Variants in PRKCQ observed in about 807,000 individuals in gnomAD.
PRKCQ encodes protein kinase C theta.
In PRKCQ, 41 loss-of-function variants were observed where a neutral mutation model predicts 91.2. The observed-to-expected ratio is 0.45, with a 90% CI of 0.35 to 0.58. The LOEUF (loss-of-function observed/expected upper bound fraction) is 0.58, where lower values mean the gene tolerates loss of function less well. Among genes scored for constraint, PRKCQ ranks in the 20% least tolerant of loss-of-function variants. The pLI is 0.00. For missense variants in PRKCQ, 673 were observed against 896.5 expected, an observed-to-expected ratio of 0.75 and a Z score of 3.18; for synonymous variants, 307 against 316.9, an observed-to-expected ratio of 0.97 and a Z score of 0.33.
At chr10:6,404,816 ATTCTTTCTT>A in the PRKCQ span, among the ~76,000 whole-genome samples, 2 of 64,150 alleles carry the variant, frequency 3.1e-5, no homozygotes, top group African/African-American at 1.3e-4. Context: ...TCTCTCTTTC[ATTCTTTCTT>A]TCCTTCTTTC....
intron 1 of PRKCQ, among the ~76,000 whole-genome samples, chr10:6,553,983 A>AAC (rs1554782621): frequency 6.6e-6 from 1 of 151,526 alleles, no homozygotes; most frequent in Non-Finnish European, 1.5e-5. Flanking sequence ...GTAAAAAAAA[A>AAC]CAGAGTGTCG....
intron 1 of PRKCQ, among the ~76,000 whole-genome samples, chr10:6,571,317 G>A (rs958104443): frequency 6.6e-6 from 1 of 152,174 alleles, no homozygotes; most frequent in African/African-American, 2.4e-5. Flanking sequence ...AGCAGCAAGG[G>A]AAACGCTTTA....
At chr10:6,442,318 CT>C (rs1427800746) in intron 15 of PRKCQ, among the ~76,000 whole-genome samples, 5 of 152,192 alleles carry the variant, frequency 3.3e-5, no homozygotes, top group African/African-American at 4.8e-5. Flanking sequence ...TACTTTTCCT[CT>C]GCTTATAAAG....
intron 15 of PRKCQ, among the ~76,000 whole-genome samples, chr10:6,447,550 C>G (rs931329632): frequency 6.6e-6 from 1 of 152,136 alleles, no homozygotes; most frequent in East Asian, 1.9e-4. Flanking sequence ...GCTTTTGAGA[C>G]GCACTTTAGC....
At chr10:6,475,342 G>A (rs1481938681) in intron 12 of PRKCQ, among the ~76,000 whole-genome samples, 1 of 152,206 alleles carries the variant, frequency 6.6e-6, no homozygotes, top group Non-Finnish European at 1.5e-5. Flanking sequence ...ATAAACGGCA[G>A]AGCTGGGCTT....
rs1833389627 is a variant in PRKCQ at position 6,430,979 on chromosome 10, T to C, written c.1837-41A>G. The C allele has an allele frequency of 6.3e-7, 1 of 1,597,760 alleles. No homozygotes were observed. The highest frequency in any genetic ancestry group is 1.3e-5 in the African/African-American group (1 of 74,330). ...GCAGGAGCCCTGAGGTCTCCAGGGA[T>C]GACCCTTTTGCATCAGGAGGTCGTG... On this transcript the variant is annotated intron_variant, in intron 16 of 17. Transcript: ENST00000263125. The surrounding 1 kb of genome is among the most constrained non-coding windows in gnomAD (Gnocchi z 4.7).
At chr10:6,471,071 C>T (rs1835934613) in intron 12 of PRKCQ, among the ~76,000 whole-genome samples, 1 of 152,098 alleles carries the variant, frequency 6.6e-6, no homozygotes, top group African/African-American at 2.4e-5. Context: ...TTCTCCTCTG[C>T]AGTTCTATTC....
intron 12 of PRKCQ, among the ~76,000 whole-genome samples, chr10:6,473,136 T>C (rs149372531): frequency 6.6e-6 from 1 of 152,352 alleles, no homozygotes; most frequent in East Asian, 1.9e-4. Context: ...AGATGTTAAA[T>C]GTCCCTTTCC....
chr10:6,572,167 T>G (rs1841070423), intron 1 of PRKCQ, among the ~76,000 whole-genome samples: 1 of 152,212 alleles, frequency 6.6e-6, no homozygotes, highest in Non-Finnish European at 1.5e-5. Flanking sequence ...CTCATCTGAT[T>G]CTATGACTTA....
At chr10:6,517,586 ATCTTTTTTTTTTTTTTTTTTT>A in intron 1 of PRKCQ, among the ~76,000 whole-genome samples, 1 of 84,160 alleles carries the variant, frequency 1.2e-5, no homozygotes, top group South Asian at 4.0e-4. Flanking sequence ...TTAAGATAGC[ATCTTTTTTTTTTTTTTTTTTT>A]TTTTTTTTTT....
chr10:6,421,669 A>G, the PRKCQ span, among the ~76,000 whole-genome samples: 1 of 152,328 alleles, frequency 6.6e-6, no homozygotes, highest in Non-Finnish European at 1.5e-5. The surrounding 1 kb of genome is among the most constrained non-coding windows in gnomAD (Gnocchi z 4.1). Flanking sequence ...CATTTCCACC[A>G]ATGGTATTAA....
At chr10:6,440,387 C>G (rs1452436820) in intron 16 of PRKCQ, among the ~76,000 whole-genome samples, 1 of 152,220 alleles carries the variant, frequency 6.6e-6, no homozygotes, top group Non-Finnish European at 1.5e-5. Context: ...CCAAACACAT[C>G]TGCAAGGATA....
intron 14 of PRKCQ, among the ~76,000 whole-genome samples, 154 bp downstream of exon 14, chr10:6,462,149 T>A (rs1835380586): frequency 6.6e-6 from 1 of 152,208 alleles, no homozygotes; most frequent in South Asian, 2.1e-4. Context: ...TTGTAAGTCA[T>A]CATCCATGTA....
At chr10:6,516,533 GGA>G in intron 1 of PRKCQ, among the ~76,000 whole-genome samples, 1 of 152,278 alleles carries the variant, frequency 6.6e-6, no homozygotes, top group Middle Eastern at 3.4e-3. Flanking sequence ...TGAGTTCTCT[GGA>G]GAGAGTTTCT....
At chr10:6,470,151 GT>G (rs976677673) in intron 12 of PRKCQ, among the ~76,000 whole-genome samples, 2 of 152,144 alleles carry the variant, frequency 1.3e-5, no homozygotes, top group Non-Finnish European at 2.9e-5. Context: ...TCCACACTCA[GT>G]TTTTGATTGT....
rs964768170 is a variant in PRKCQ, at chr10:6,568,314, ATCTTT to A, written c.-10+11892_-10+11896del. ...TTTTGTTTTGAAGAAGACTTAAAAT[ATCTTT>A]TCATTTAATTTAAACAAAATTTTAT... On this transcript the variant is annotated intron_variant, in intron 1 of 17. Transcript: ENST00000263125. Among the ~76,000 whole-genome samples the A allele has an allele frequency of 1.7e-3, 256 of 152,248 alleles. 2 individuals are homozygous for A. Among genetic ancestry groups the A allele is most frequent in the African/African-American group, 5.9e-3 (245 of 41,548 alleles).
At chr10:6,535,245 C>T (rs1839537869) in intron 1 of PRKCQ, among the ~76,000 whole-genome samples, 1 of 152,132 alleles carries the variant, frequency 6.6e-6, no homozygotes, top group Non-Finnish European at 1.5e-5. Context: ...TCTCTTTCAC[C>T]TAATACCAAC....
chr10:6,404,617 TTC>T, the PRKCQ span, among the ~76,000 whole-genome samples: 59 of 146,862 alleles, frequency 4.0e-4, 1 homozygote, highest in African/African-American at 5.5e-4. Flanking sequence ...CTCTCTTTCT[TTC>T]TCTCTTTCCT....
At chr10:6,462,991 C>G (rs1167838913) in intron 13 of PRKCQ, among the ~76,000 whole-genome samples, 1 of 136,336 alleles carries the variant, frequency 7.3e-6, no homozygotes, top group Non-Finnish European at 1.6e-5. Flanking sequence ...GACGACAGAG[C>G]AAGACTCTGA....
Sources: allele counts gnomAD v4.1 joint callset (sites outside exome capture counted in the v4.1 genomes callset), GRCh38; gene constraint gnomAD v4.1.1; non-coding constraint Gnocchi (gnomAD v3.1); transcripts MANE v1.5; gene names NCBI Gene and HGNC (gene_info 2026-07-23, HGNC 2026-07-21).